WBP2NL: variants seen among roughly 807,000 people sequenced by gnomAD.
WBP2NL encodes postacrosomal sheath WW domain-binding protein.
Under a neutral mutation model 23.3 loss-of-function variants are expected in WBP2NL, and 27 were observed. The observed-to-expected ratio is 1.16, with a 90% CI of 0.85 to 1.60. The LOEUF (loss-of-function observed/expected upper bound fraction) is 1.60. Ranked by LOEUF, WBP2NL falls within the 40% of genes most tolerant of loss-of-function variation. The probability of loss-of-function intolerance (pLI) is 0.00; values close to 1 mark genes in which losing one functional copy is unlikely to be tolerated. For missense variants in WBP2NL, 370 were observed against 389.5 expected (o/e 0.95, Z 0.42); for synonymous variants, 151 against 145.9 (o/e 1.03, Z -0.25).
At chr22:42,004,638 C>G (rs1010745189) in intron 1 of WBP2NL, among the ~76,000 whole-genome samples, 4 of 151,970 alleles carry the variant, frequency 2.6e-5, no homozygotes, top group Non-Finnish European at 4.4e-5. Flanking sequence ...AAAGACGAAG[C>G]CTGGGCAGGG....
chr22:42,043,869 G>C (rs1488775400), intron 8 of WBP2NL, among the ~76,000 whole-genome samples: 2 of 152,062 alleles, frequency 1.3e-5, no homozygotes, highest in Non-Finnish European at 2.9e-5. Context: ...TGGGATTATA[G>C]GGAACTGCCA....
chr22:42,001,202 A>G (rs1453290138), intron 1 of WBP2NL: 1 of 744,714 alleles, frequency 1.3e-6, no homozygotes, highest in South Asian at 1.5e-5. Context: ...CCAGCAGTCA[A>G]ATGTGCCTGT....
At chr22:42,015,673 A>G (rs1923240570) in intron 1 of WBP2NL, among the ~76,000 whole-genome samples, 2 of 152,028 alleles carry the variant, frequency 1.3e-5, no homozygotes, top group Admixed American at 1.3e-4. Context: ...GAAGTGCTAG[A>G]TTACAGGCGT....
At chr22:42,033,714 G>GA (rs969511334), downstream of WBP2NL, among the ~76,000 whole-genome samples, 2 of 152,280 alleles carry the variant, frequency 1.3e-5, no homozygotes, top group Non-Finnish European at 1.5e-5. Flanking sequence ...TCATTGTGCT[G>GA]ATGTCTGCTG....
At position 42,003,256 on chromosome 22, in the gene WBP2NL, A is replaced by G. The variant is rs1257170918; in HGVS notation, c.62+4376A>G. 2.0e-5 allele frequency: 3 copies of G among 152,548 alleles called. No individual in the cohort carries two copies. In the East Asian group the frequency reaches 5.8e-4, roughly 29 times the overall value. 9.4% of individuals were successfully genotyped at this position (152,548 alleles called of 1,614,324 possible). On this transcript the variant is annotated intron_variant, in intron 1 of 5. Coordinates refer to ENST00000328823, the MANE Select transcript of WBP2NL (RefSeq NM_152613.3). Reference sequence around the variant, plus strand: ...GAGATGCTATAGATGTTACTCTTATACTGTAAAACATTGTGAAATCAGATT... The same window carrying G: ...GAGATGCTATAGATGTTACTCTTATGCTGTAAAACATTGTGAAATCAGATT...
chr22:42,034,817 A>G (rs1602474282), downstream of WBP2NL, among the ~76,000 whole-genome samples: 2 of 152,314 alleles, frequency 1.3e-5, no homozygotes, highest in South Asian at 4.2e-4. Context: ...TTTGCTTTTG[A>G]AAGAAGAGAA....
At chr22:42,032,178 G>C (rs779387384), downstream of WBP2NL, 20 of 152,128 alleles carry the variant, frequency 1.3e-4, no homozygotes, top group Non-Finnish European at 2.1e-4. Flanking sequence ...GTTTCTTCTG[G>C]TCATCAGACT....
rs145866632 is a variant in WBP2NL, at chr22:42,055,064, G to A, written c.*274-3226G>A. On this transcript the variant is annotated intron_variant and NMD_transcript_variant, in intron 8 of 8. Coordinates refer to the WBP2NL transcript ENST00000436265. Reference sequence around the variant, plus strand: ...TTCTTTTCTTTTTTTTCTTGAGATGGAGTTTTGCTCTGTCACCCAGGCTGG... The same window carrying A: ...TTCTTTTCTTTTTTTTCTTGAGATGAAGTTTTGCTCTGTCACCCAGGCTGG... Among the ~76,000 whole-genome samples, 82 of 152,178 alleles carry A rather than the reference G, an allele frequency of 5.4e-4. No individual in the cohort carries two copies. The East Asian group carries it at 0.016, about 29-fold the overall frequency.
downstream of WBP2NL, among the ~76,000 whole-genome samples, chr22:42,034,555 T>G (rs748372466): frequency 1.3e-5 from 2 of 152,218 alleles, no homozygotes; most frequent in Non-Finnish European, 2.9e-5. Flanking sequence ...ACCATTGTCA[T>G]TGATAACATC....
At chr22:42,008,221 C>CT (rs1922480981) in intron 1 of WBP2NL, among the ~76,000 whole-genome samples, 1 of 145,146 alleles carries the variant, frequency 6.9e-6, no homozygotes, top group South Asian at 2.3e-4. Context: ...CCTCCCTTCC[C>CT]TTTTTTTGAC....
At chr22:42,048,843 C>T (rs1420164254) in intron 8 of WBP2NL, among the ~76,000 whole-genome samples, 1 of 151,858 alleles carries the variant, frequency 6.6e-6, no homozygotes, top group South Asian at 2.1e-4. Flanking sequence ...AAAACATTGT[C>T]CAAAAACTAA....
intron 1 of WBP2NL, among the ~76,000 whole-genome samples, chr22:42,013,757 A>G (rs995029081): frequency 2.6e-5 from 4 of 151,488 alleles, no homozygotes; most frequent in Admixed American, 1.3e-4. Context: ...CTACTGATGC[A>G]TGCCACCACA....
At chr22:42,021,060 C>T (rs1473520481) in intron 4 of WBP2NL, among the ~76,000 whole-genome samples, 2 of 150,436 alleles carry the variant, frequency 1.3e-5, no homozygotes, top group Non-Finnish European at 3.0e-5. Context: ...GCTGGGATTA[C>T]AAGTGTCCAC....
chr22:42,013,352 C>T (rs1263949103), intron 1 of WBP2NL, among the ~76,000 whole-genome samples: 1 of 149,654 alleles, frequency 6.7e-6, no homozygotes, highest in East Asian at 2.0e-4. Flanking sequence ...TGCCATTGCA[C>T]TCTAGCCTGG....
intron 1 of WBP2NL, among the ~76,000 whole-genome samples, chr22:42,017,570 G>A (rs918791597): frequency 2.6e-5 from 4 of 152,088 alleles, no homozygotes; most frequent in Admixed American, 2.6e-4. Flanking sequence ...GTCATATATT[G>A]TTTGCATTAT....
intron 1 of WBP2NL, 90 bp from the exon 2 acceptor site, chr22:42,019,220 CA>C (rs371093593): frequency 0.14 from 131,124 of 968,160 alleles, no homozygotes; most frequent in South Asian, 0.19. Context: ...GACTCTGTCT[CA>C]AAAAAAAAAA....
chr22:42,019,254 G>T, intron 1 of WBP2NL, 57 bp from the exon 2 acceptor site: 14 of 1,457,066 alleles, frequency 9.6e-6, no homozygotes, highest in Admixed American at 2.0e-5. Flanking sequence ...AGAACTTTAT[G>T]TGTGTCATTT....
chr22:42,023,813 T>TA (rs1285222654), intron 5 of WBP2NL, among the ~76,000 whole-genome samples: 1 of 151,954 alleles, frequency 6.6e-6, no homozygotes, highest in Admixed American at 6.6e-5. Flanking sequence ...CCTTTTTTTT[T>TA]AAAAAAATTT....
intron 8 of WBP2NL, among the ~76,000 whole-genome samples, chr22:42,043,039 AG>A (rs772890092): frequency 7.5e-5 from 11 of 147,432 alleles, no homozygotes; most frequent in Non-Finnish European, 1.6e-4. Context: ...AAAAAAAAAA[AG>A]GAGAAGAAGC....
Sources: gnomAD v4.1 joint callset for allele counts (sites outside exome capture counted in the v4.1 genomes callset) on GRCh38, gnomAD v4.1.1 for gene constraint, MANE v1.5 for transcripts, NCBI Gene and HGNC (gene_info 2026-07-23, HGNC 2026-07-21) for gene names.